The following SCFD2 variants were observed in gnomAD, a reference collection of about 807,000 sequenced individuals.
SCFD2 encodes the protein sec1 family domain-containing protein 2.
A neutral mutation model predicts 58.9 loss-of-function variants in SCFD2; 54 were observed. That is an observed-to-expected ratio of 0.92 (90% CI 0.74 to 1.15). The LOEUF is 1.15. Among genes scored for constraint, SCFD2 ranks in the 50% most tolerant of loss-of-function variants. The pLI, the probability that SCFD2 is intolerant of heterozygous loss-of-function variation, is 0.00. For synonymous variants in SCFD2, 321 were observed against 335.9 expected, an observed-to-expected ratio of 0.96 and a Z score of 0.49; for missense variants, 805 against 836.6, an observed-to-expected ratio of 0.96 and a Z score of 0.47.
chr4:52,893,375 T>C (rs1718923776), intron 7 of SCFD2, among the ~76,000 whole-genome samples: 1 of 152,156 alleles, frequency 6.6e-6, no homozygotes, highest in African/African-American at 2.4e-5. Context: ...TGTCTTGTTT[T>C]TCTTATATGA....
intron 4 of SCFD2, among the ~76,000 whole-genome samples, chr4:53,202,737 T>C: frequency 6.6e-6 from 1 of 152,184 alleles, no homozygotes; most frequent in East Asian, 1.9e-4. Context: ...AAAGAGGTCC[T>C]TCACATCCCT....
chr4:53,032,061 G>A (rs1312809534), intron 5 of SCFD2, among the ~76,000 whole-genome samples: 1 of 152,206 alleles, frequency 6.6e-6, no homozygotes, highest in African/African-American at 2.4e-5. Context: ...TACCCACAAA[G>A]GGAAGCCCAT....
chr4:52,991,567 G>A (rs1010444789), intron 5 of SCFD2, among the ~76,000 whole-genome samples: 5 of 152,134 alleles, frequency 3.3e-5, no homozygotes, highest in Admixed American at 1.3e-4. Flanking sequence ...GGCACCCAGA[G>A]ACAAAGTTCA....
intron 4 of SCFD2, among the ~76,000 whole-genome samples, chr4:53,239,891 T>A (rs1310658714): frequency 6.6e-6 from 1 of 152,172 alleles, no homozygotes; most frequent in African/African-American, 2.4e-5. Flanking sequence ...TAGCCTAAGA[T>A]CTCATAATGT....
chr4:53,084,194 AGT>A (rs1325118035), intron 5 of SCFD2, among the ~76,000 whole-genome samples: 1 of 152,158 alleles, frequency 6.6e-6, no homozygotes, highest in Non-Finnish European at 1.5e-5. Flanking sequence ...ACATTCCCAG[AGT>A]GGCCGTTTAT....
chr4:53,328,131 T>C (rs769486384), intron 2 of SCFD2, among the ~76,000 whole-genome samples: 3 of 96,230 alleles, frequency 3.1e-5, no homozygotes, highest in Non-Finnish European at 6.4e-5. Context: ...CGAGACTCTG[T>C]CTCAAAAAAA....
At chr4:52,905,953 T>C (rs1719338383) in intron 7 of SCFD2, among the ~76,000 whole-genome samples, 1 of 152,246 alleles carries the variant, frequency 6.6e-6, no homozygotes, top group South Asian at 2.1e-4. Flanking sequence ...TAAAGTCCAT[T>C]AGTGTATTAA....
At chr4:53,311,220 T>A (rs1732679976) in intron 3 of SCFD2, among the ~76,000 whole-genome samples, 1 of 152,210 alleles carries the variant, frequency 6.6e-6, no homozygotes. Flanking sequence ...GGCACATGGT[T>A]GGAGTATGCT....
At chr4:53,237,254 C>G (rs995101169) in intron 4 of SCFD2, among the ~76,000 whole-genome samples, 7 of 148,936 alleles carry the variant, frequency 4.7e-5, no homozygotes, top group South Asian at 2.1e-4. Context: ...TACACAGACA[C>G]GGCAACCATC....
Position 53,027,351 on chromosome 4 carries a change from A to G in SCFD2, c.1562-106481T>C, listed in dbSNP as rs371791388. Among the ~76,000 whole-genome samples the G allele has an allele frequency of 2.9e-3, 436 of 152,046 alleles. 3 individuals are homozygous for G. Among genetic ancestry groups the G allele is most frequent in the South Asian group, 0.013 (62 of 4,806 alleles). On this transcript the variant is annotated intron_variant, in intron 5 of 8. Coordinates refer to ENST00000401642, the MANE Select transcript of SCFD2 (RefSeq NM_152540.4). ...GCAGTGATGTAGGTAAAGTGGGCTG[A>G]CCTGCTCAGTGTTGGTTTTCCAACG...
intron 2 of SCFD2, among the ~76,000 whole-genome samples, chr4:53,342,650 T>A (rs1021119343): frequency 2.0e-5 from 3 of 152,220 alleles, no homozygotes; most frequent in Non-Finnish European, 4.4e-5. Context: ...ATACACAGAA[T>A]ATACATTCTT....
intron 4 of SCFD2, among the ~76,000 whole-genome samples, chr4:53,219,803 T>G (rs1210500652): frequency 6.6e-6 from 1 of 152,182 alleles, no homozygotes; most frequent in Admixed American, 6.5e-5. Flanking sequence ...GTTCTTTTAA[T>G]GCTTAACATT....
intron 5 of SCFD2, among the ~76,000 whole-genome samples, chr4:53,128,041 C>G (rs1268761168): frequency 9.3e-6 from 1 of 107,660 alleles, no homozygotes; most frequent in Non-Finnish European, 1.8e-5. Flanking sequence ...AGAACAAGGG[C>G]CATGTCCTAA....
chr4:53,217,748 T>C (rs1290404997), intron 4 of SCFD2, among the ~76,000 whole-genome samples: 4 of 152,224 alleles, frequency 2.6e-5, no homozygotes, highest in South Asian at 4.1e-4. Flanking sequence ...CAATGGTCTT[T>C]ACAATTTGGC....
intron 5 of SCFD2, among the ~76,000 whole-genome samples, chr4:52,988,482 G>C (rs182125639): frequency 3.5e-4 from 53 of 152,298 alleles, no homozygotes; most frequent in Admixed American, 3.4e-3. Context: ...CTCCAGAAAG[G>C]CTTTAAGTTT....
chr4:52,923,477 C>CCAATAAAT (rs143714276), intron 5 of SCFD2, among the ~76,000 whole-genome samples: 2 of 134,362 alleles, frequency 1.5e-5, no homozygotes, highest in Non-Finnish European at 3.1e-5. Context: ...GACTGCATCT[C>CCAATAAAT]AAATAAATAA....
chr4:53,091,176 G>A (rs1033469812), intron 5 of SCFD2, among the ~76,000 whole-genome samples: 2 of 151,976 alleles, frequency 1.3e-5, no homozygotes, highest in Non-Finnish European at 2.9e-5. Flanking sequence ...TAAATCTATG[G>A]GCTGAAGAAA....
In SCFD2 at chr4:52,956,188, T is replaced by A. The variant is rs1001653206; in HGVS notation, c.1562-35318A>T. 6.1e-5 allele frequency: 28 copies of A among 456,554 alleles called. 1 individual carries two copies. The highest frequency in any genetic ancestry group is 5.0e-4 in the African/African-American group (25 of 50,058). The allele number at this position is 456,554 out of a possible 1,614,324, so 28.3% of individuals were successfully genotyped here. A position where few individuals can be genotyped will look rare whatever the true frequency, so the allele number is the denominator to read the frequency against. On this transcript the variant is annotated intron_variant, in intron 5 of 8. Coordinates refer to ENST00000401642, the MANE Select transcript of SCFD2 (RefSeq NM_152540.4). ...ACTGCTGGAGCTCACAGAATGGTCA[T>A]CCCTGGAGCAGCAGCCATCTCCCCT...
intron 4 of SCFD2, among the ~76,000 whole-genome samples, chr4:53,213,548 T>A (rs1038008976): frequency 7.2e-5 from 11 of 152,090 alleles, no homozygotes; most frequent in African/African-American, 2.4e-4. Context: ...GAAAGTAAAT[T>A]CAGGAATTAA....
Sources: gnomAD v4.1 joint callset for allele counts (sites outside exome capture counted in the v4.1 genomes callset) on GRCh38, gnomAD v4.1.1 for gene constraint, MANE v1.5 for transcripts, NCBI Gene and HGNC (gene_info 2026-07-23, HGNC 2026-07-21) for gene names.